Variants in STXBP3 observed in about 807,000 individuals in gnomAD.
The protein encoded by STXBP3 is syntaxin-binding protein 3.
A neutral mutation model predicts 85.7 loss-of-function variants in STXBP3; 41 were observed. The ratio of observed to expected loss-of-function variants is 0.48; its 90% confidence interval spans 0.37 to 0.62. STXBP3 has a LOEUF of 0.62. STXBP3 is among the 20% of genes least tolerant of loss of function. The pLI, the probability that STXBP3 is intolerant of heterozygous loss-of-function variation, is 0.00. For synonymous variants in STXBP3, 229 were observed against 231.7 expected (o/e 0.99, Z 0.10); for missense variants, 563 against 703.1 (o/e 0.80, Z 2.25).
intron 11 of STXBP3, among the ~76,000 whole-genome samples, chr1:108,786,383 G>A (rs1003249929): frequency 9.9e-5 from 15 of 152,172 alleles, no homozygotes; most frequent in Admixed American, 5.2e-4. Context: ...CCCTTGACGC[G>A]TGGGGATTAT....
chr1:108,798,271 G>A, intron 16 of STXBP3, 34 bp downstream of exon 16: 1 of 1,532,856 alleles, frequency 6.5e-7, no homozygotes, highest in South Asian at 1.1e-5. Context: ...TTCTACCTGA[G>A]TGCCCTCTTT....
Position 108,789,455 on chromosome 1 carries a change from T to A in STXBP3, c.964-4127T>A, listed in dbSNP as rs564413522. 2.0e-5 allele frequency among the ~76,000 whole-genome samples: 3 copies of A among 152,328 alleles called. No individual in the cohort carries two copies. The South Asian group carries it at 6.2e-4, about 32-fold the overall frequency. On this transcript the variant is annotated intron_variant, in intron 11 of 18. Transcript: ENST00000370008. ...CTGGTTTAAATTTTTTCTTCTAGCT[T>A]CCTGAGTTGGAGTTTTAGAACATTG...
chr1:108,780,589 G>T (rs1413394165), intron 9 of STXBP3: 3 of 120,396 alleles, frequency 2.5e-5, no homozygotes, highest in African/African-American at 6.5e-5. Flanking sequence ...GGCTAGTCTT[G>T]AACTCCTGAC....
At chr1:108,790,209 G>C (rs1662947527) in intron 11 of STXBP3, among the ~76,000 whole-genome samples, 1 of 151,916 alleles carries the variant, frequency 6.6e-6, no homozygotes, top group Non-Finnish European at 1.5e-5. Flanking sequence ...GAATTAGTTT[G>C]TTTTTCTTTA....
intron 3 of STXBP3, 27 bp from the exon 4 acceptor site, chr1:108,756,663 A>G (rs1016303674): frequency 2.9e-6 from 4 of 1,394,766 alleles, no homozygotes; most frequent in Admixed American, 2.1e-5. Context: ...ATATTTGGTT[A>G]TATAAAATGA....
intron 1 of STXBP3, among the ~76,000 whole-genome samples, chr1:108,748,915 G>T (rs1160762728): frequency 6.6e-6 from 1 of 152,190 alleles, no homozygotes; most frequent in Non-Finnish European, 1.5e-5. Flanking sequence ...AGTCAGTGGA[G>T]GATGTTAAAT....
intron 17 of STXBP3, among the ~76,000 whole-genome samples, chr1:108,801,977 C>G (rs1663242346): frequency 6.6e-6 from 1 of 152,054 alleles, no homozygotes; most frequent in South Asian, 2.1e-4. Flanking sequence ...CCCTTTTTTC[C>G]CTCATTTTTT....
intron 17 of STXBP3, among the ~76,000 whole-genome samples, chr1:108,806,449 A>G (rs1447954214): frequency 2.0e-5 from 3 of 152,160 alleles, no homozygotes; most frequent in Admixed American, 6.5e-5. Context: ...AATGACTACT[A>G]TTTATTGAGT....
At position 108,782,963 on chromosome 1, in the gene STXBP3, C is replaced by T. The variant is rs116102489; in HGVS notation, c.963+257C>T. Among the ~76,000 whole-genome samples, 510 of 152,206 alleles carry T rather than the reference C, an allele frequency of 3.4e-3. 1 individual carries two copies. The highest frequency in any genetic ancestry group is 0.012 in the African/African-American group (491 of 41,538). On this transcript the variant is annotated intron_variant, in intron 11 of 18. Transcript: ENST00000370008. ...TGCCATGCAGGCTGGAGTGCAGTTG[C>T]GCCATCTCAGCTCACTGCAGTCTCC...
intron 3 of STXBP3, among the ~76,000 whole-genome samples, chr1:108,754,033 CT>C (rs35931069): frequency 5.7e-4 from 76 of 133,754 alleles, no homozygotes; most frequent in Admixed American, 8.4e-4. Context: ...ATAAAATAAT[CT>C]TTTTTTTTTT....
At chr1:108,763,338 A>G (rs1463118288) in intron 6 of STXBP3, among the ~76,000 whole-genome samples, 1 of 152,204 alleles carries the variant, frequency 6.6e-6, no homozygotes, top group East Asian at 1.9e-4. Flanking sequence ...ACTTTACTCC[A>G]GGTTTGATTA....
intron 8 of STXBP3, among the ~76,000 whole-genome samples, chr1:108,777,788 A>C (rs1194168042): frequency 1.3e-5 from 2 of 151,976 alleles, no homozygotes; most frequent in Admixed American, 1.3e-4. Context: ...GCCTTCCTTG[A>C]CTCTTCAGGC....
At chr1:108,763,749 AT>A (rs11358536) in intron 6 of STXBP3, among the ~76,000 whole-genome samples, 97,257 of 147,870 alleles carry the variant, frequency 0.66, 32,402 homozygotes, top group Non-Finnish European at 0.71. Context: ...CTAATTTTGT[AT>A]TTTTTTTTTT....
chr1:108,796,643 A>G lies in STXBP3; in HGVS notation c.1273A>G (p.Arg425Gly). 6.2e-7 allele frequency: 1 copy of G among 1,612,964 alleles called. No individual in the cohort carries two copies. Among genetic ancestry groups the G allele is most frequent in the Non-Finnish European group, 8.5e-7 (1 of 1,179,608 alleles). ...INGTTEENLD[R>G]LIQNVKIENE... ...AGGAACTACGGAAGAAAATTTGGAC[A>G]GGTTGATCCAGAATGTAAAGATAGA... Residue 425 changes from arginine to glycine, a missense_variant, in exon 15 of 19, where the codon AGG (arginine) becomes GGG (glycine). Coordinates refer to ENST00000370008, the MANE Select transcript of STXBP3 (RefSeq NM_007269.4).
At chr1:108,802,744 A>G (rs528690102) in intron 17 of STXBP3, among the ~76,000 whole-genome samples, 4 of 152,214 alleles carry the variant, frequency 2.6e-5, no homozygotes, top group Non-Finnish European at 5.9e-5. Flanking sequence ...ATCCAGGAAT[A>G]TACTTGTTTT....
At chr1:108,800,146 G>A (rs1173442788) in intron 16 of STXBP3, 74 bp from the exon 17 acceptor site, 2 of 1,053,178 alleles carry the variant, frequency 1.9e-6, no homozygotes, top group Non-Finnish European at 3.0e-6. Flanking sequence ...GCAAATGCAA[G>A]TTTTGACCTT....
At chr1:108,793,157 A>ATTTTTTTTTCTTTTTTT (rs751400870) in intron 11 of STXBP3, among the ~76,000 whole-genome samples, 6 of 67,506 alleles carry the variant, frequency 8.9e-5, no homozygotes, top group South Asian at 5.4e-4. Flanking sequence ...TCTTATCTCC[A>ATTTTTTTTTCTTTTTTT]TTTTTTTTTT....
intron 17 of STXBP3, among the ~76,000 whole-genome samples, chr1:108,802,875 C>G (rs1663260755): frequency 1.3e-5 from 2 of 152,110 alleles, no homozygotes; most frequent in African/African-American, 4.8e-5. Context: ...TTTTTTGTTT[C>G]TGTCACATTA....
At chr1:108,799,816 A>G (rs1268730237) in intron 16 of STXBP3, among the ~76,000 whole-genome samples, 1 of 152,210 alleles carries the variant, frequency 6.6e-6, no homozygotes, top group African/African-American at 2.4e-5. Context: ...ATGAAAAGGA[A>G]AACTTCCCAT....
Sources: gnomAD v4.1 joint callset for allele counts (sites outside exome capture counted in the v4.1 genomes callset) on GRCh38, gnomAD v4.1.1 for gene constraint, MANE v1.5 for transcripts, NCBI Gene and HGNC (gene_info 2026-07-23, HGNC 2026-07-21) for gene names.